The following PARP12 variants were observed in gnomAD, a reference collection of about 807,000 sequenced individuals.
PARP12 encodes protein mono-ADP-ribosyltransferase PARP12.
Under a neutral mutation model 72.4 loss-of-function variants are expected in PARP12, and 59 were observed. That is an observed-to-expected ratio of 0.81 (90% CI 0.66 to 1.01). The LOEUF (loss-of-function observed/expected upper bound fraction) is 1.01, where lower values mean the gene tolerates loss of function less well. Ranked by LOEUF, PARP12 falls within the 50% of genes least tolerant of loss-of-function variation. PARP12 has a pLI of 0.00. For synonymous variants in PARP12, 403 were observed against 371.4 expected (o/e 1.09, Z -0.98); for missense variants, 851 against 914.0 (o/e 0.93, Z 0.89).
In PARP12 at chr7:140,027,347, G is replaced by A; in HGVS notation, c.1557C>T (p.Arg519=). 1 of 1,614,106 alleles carries A rather than the reference G, an allele frequency of 6.2e-7. No homozygotes were observed. Among genetic ancestry groups the A allele is most frequent in the East Asian group, 2.2e-5 (1 of 44,874 alleles). Residue 519 remains arginine (R), a synonymous_variant, in exon 10 of 12, where the codon CGC becomes CGT. Coordinates refer to ENST00000263549, the MANE Select transcript of PARP12 (RefSeq NM_022750.4). ...EYQKVWNLFN[R]TLPFYFVQKI... is the part of the protein sequence containing the mutation. ...TCTGAACAAAGTAGAAAGGCAGCGT[G>A]CGGTTAAAGAGGTTCCAGACCTTCT...
In PARP12 at chr7:140,046,927, T is replaced by C; in HGVS notation, c.943A>G (p.Met315Val). The C allele has an allele frequency of 6.2e-7, 1 of 1,614,150 alleles. No homozygotes were observed. ...DRGKWEDLDN[M>V]ELIEEAYCNP... The stretch of plus-strand genomic sequence containing the variant: ...CAATATGCCTCTTCAATAAGTTCCA[T>C]GTTGTCCAAATCCTCCCATTTGCCT... Residue 315 changes from methionine (M) to valine (V), a missense_variant, in exon 5 of 12, where the codon ATG becomes GTG. By Grantham distance (21) the Met-to-Val change is conservative. Transcript: ENST00000263549.
At chr7:140,050,579 CA>C (rs1032501601) in intron 4 of PARP12, among the ~76,000 whole-genome samples, 1 of 152,092 alleles carries the variant, frequency 6.6e-6, no homozygotes, top group Non-Finnish European at 1.5e-5. Context: ...GACAGACAAC[CA>C]AGAGTCGCTC....
intron 1 of PARP12, among the ~76,000 whole-genome samples, chr7:140,061,991 G>C (rs1240583717): frequency 6.6e-6 from 1 of 150,426 alleles, no homozygotes; most frequent in African/African-American, 2.5e-5. Flanking sequence ...CCCGGGGGGG[G>C]GGGGGTGTTC....
At chr7:140,042,923 T>C (rs142733769) in intron 5 of PARP12, among the ~76,000 whole-genome samples, 2,751 of 152,244 alleles carry the variant, frequency 0.018, 205 homozygotes, top group Admixed American at 0.14. Flanking sequence ...TGGCCGGGCA[T>C]GGTGGCTCAC....
Position 140,035,926 on chromosome 7 carries a change from CAAGGAG to C in PARP12, c.1325-1601_1325-1596del, listed in dbSNP as rs1816145465. Among the ~76,000 whole-genome samples the C allele has an allele frequency of 2.0e-4, 9 of 46,036 alleles. 2 individuals are homozygous for C. The highest frequency in any genetic ancestry group is 9.6e-4 in the African/African-American group (9 of 9,390). The allele number at this position is 46,036 out of a possible 152,430, so 30.2% of individuals were successfully genotyped here. ...ACGAGGAGGAGGACAAGGAGGAGGA[CAAGGAG>C]GAGGAGGAGGAGGAGGAGGACGAGG... On this transcript the variant is annotated intron_variant, in intron 7 of 11. Coordinates refer to ENST00000263549, the MANE Select transcript of PARP12 (RefSeq NM_022750.4).
chr7:140,024,589 A>G lies in PARP12; in HGVS notation c.2077T>C (p.Leu693=). The G allele has an allele frequency of 1.2e-6, 2 of 1,614,202 alleles. No homozygotes were observed. The highest frequency in any genetic ancestry group is 2.2e-5 in the East Asian group (1 of 44,884). The part of the protein sequence containing the change: ...PSVTPSILLA[L]GSLFSSRQ ...TGTCGGCTGCTGAACAGGGAGCCCAAGGCCAGCAGGATGGAGGGTGTGACC... is the reference window on the plus strand; with the variant it reads ...TGTCGGCTGCTGAACAGGGAGCCCAGGGCCAGCAGGATGGAGGGTGTGACC... The change falls in exon 12 of 12, where the codon TTG becomes CTG. Residue 693 remains leucine (L), a synonymous_variant. Transcript: ENST00000263549.
intron 3 of PARP12, among the ~76,000 whole-genome samples, chr7:140,055,280 A>G (rs1468445280): frequency 6.6e-6 from 1 of 152,226 alleles, no homozygotes; most frequent in Non-Finnish European, 1.5e-5. Context: ...TTAATGAACT[A>G]TCAGAATTGG....
In PARP12 at chr7:140,034,316, T is replaced by C. The variant is rs1386576581; in HGVS notation, c.1340A>G (p.Asn447Ser). The change falls in exon 8 of 12, where the codon AAC becomes AGC. Residue 447 changes from asparagine to serine, a missense_variant. By Grantham distance (46) the Asn-to-Ser change is conservative. This residue lies in a region of PARP12 where 347 missense variants were observed against 396.1 expected (regional missense o/e 0.88). Coordinates refer to ENST00000263549, the MANE Select transcript of PARP12 (RefSeq NM_022750.4). ...CTTTTTAGTTGTGCCATAGACCAGG[T>C]TTTTCTGAACGAAGGCTGAAAAAAA... ...ELDFKAFVQK[N>S]LVYGTTKKVC... The C allele has an allele frequency of 6.2e-7, 1 of 1,611,634 alleles. No homozygotes were observed. The highest frequency in any genetic ancestry group is 8.5e-7 in the Non-Finnish European group (1 of 1,178,714).
At chr7:140,041,606 T>C in intron 6 of PARP12, 38 bp downstream of exon 6, 1 of 1,584,488 alleles carries the variant, frequency 6.3e-7, no homozygotes, top group Non-Finnish European at 8.6e-7. Context: ...TTACAGATCC[T>C]CAGGACAAAA....
Position 140,056,556 on chromosome 7 carries a change from G to C in PARP12, c.760+300C>G, listed in dbSNP as rs1016890448. ...GGTGAAGATAGGGGTGACTGCACAG[G>C]GGGAGGAGCCAAGTCTCCCATTTCA... On this transcript the variant is annotated intron_variant, in intron 3 of 11. Transcript: ENST00000263549. Among the ~76,000 whole-genome samples, 4 of 152,236 alleles carry C rather than the reference G, an allele frequency of 2.6e-5. No homozygotes were observed. The East Asian group carries it at 5.8e-4, about 22-fold the overall frequency.
intron 2 of PARP12, 64 bp from the exon 3 acceptor site, chr7:140,057,217 T>G (rs1265680257): frequency 1.0e-5 from 15 of 1,479,694 alleles, no homozygotes; most frequent in Non-Finnish European, 1.4e-5. Context: ...ACCTCCCCAG[T>G]GGCCAGTCCA....
chr7:140,034,382 C>G, intron 7 of PARP12, 51 bp from the exon 8 acceptor site: 1 of 1,407,358 alleles, frequency 7.1e-7, no homozygotes. Context: ...TATACATACA[C>G]ACAGGATGGC....
At chr7:140,039,654 C>T (rs544407504) in intron 6 of PARP12, among the ~76,000 whole-genome samples, 54 of 152,182 alleles carry the variant, frequency 3.5e-4, no homozygotes, top group Admixed American at 3.2e-3. Context: ...AAAAACTTAG[C>T]TTTTCTGGGA....
intron 6 of PARP12, among the ~76,000 whole-genome samples, chr7:140,039,887 A>ACCGCT (rs1554513468): frequency 1.5e-4 from 23 of 151,952 alleles, no homozygotes; most frequent in African/African-American, 5.6e-4. Flanking sequence ...ACATTCTCAA[A>ACCGCT]CTGCTCGCCA....
At chr7:140,059,760 T>A (rs1817363212) in intron 1 of PARP12, among the ~76,000 whole-genome samples, 1 of 152,170 alleles carries the variant, frequency 6.6e-6, no homozygotes, top group African/African-American at 2.4e-5. Flanking sequence ...GTGACAGACA[T>A]AGAGGAGACT....
At chr7:140,027,437 C>T (rs760372269) in intron 9 of PARP12, 31 bp from the exon 10 acceptor site, 3 of 1,610,306 alleles carry the variant, frequency 1.9e-6, no homozygotes, top group African/African-American at 1.3e-5. Flanking sequence ...TAATGCATTA[C>T]CATCAACGTG....
intron 8 of PARP12, 45 bp from the exon 9 acceptor site, chr7:140,028,733 C>T (rs1290713250): frequency 6.7e-7 from 1 of 1,499,612 alleles, no homozygotes. Flanking sequence ...TATTCTTACA[C>T]AAAGCAAATA....
At chr7:140,037,919 T>C in intron 6 of PARP12, 63 bp from the exon 7 acceptor site, 2 of 1,568,088 alleles carry the variant, frequency 1.3e-6, no homozygotes, top group South Asian at 1.1e-5. Context: ...AAAACGCTGG[T>C]GGCACCCACG....
At chr7:140,057,232 T>G (rs1585115815) in intron 2 of PARP12, 79 bp from the exon 3 acceptor site, 1 of 1,315,100 alleles carries the variant, frequency 7.6e-7, no homozygotes, top group Non-Finnish European at 1.1e-6. Context: ...AGTCCACTGG[T>G]GAGAAAGGGG....
Sources: allele counts gnomAD v4.1 joint callset (sites outside exome capture counted in the v4.1 genomes callset), GRCh38; gene constraint gnomAD v4.1.1; regional missense constraint gnomAD v4.1.1; transcripts MANE v1.5; gene names NCBI Gene and HGNC (gene_info 2026-07-23, HGNC 2026-07-21).